MEGF6: variants seen among roughly 807,000 people sequenced by gnomAD.
MEGF6 encodes multiple epidermal growth factor-like domains protein 6.
MEGF6 carries 184 observed loss-of-function variants against 207.1 expected under a neutral mutation model. The observed-to-expected ratio is 0.89, with a 90% CI of 0.79 to 1.00. The LOEUF (loss-of-function observed/expected upper bound fraction) is 1.00, where lower values mean the gene tolerates loss of function less well. Among genes scored for constraint, MEGF6 ranks in the 50% least tolerant of loss-of-function variants. MEGF6 has a pLI of 0.00. For missense variants in MEGF6, 2,282 were observed against 2,202.9 expected (o/e 1.04, Z -0.72); for synonymous variants, 1,038 against 910.0 (o/e 1.14, Z -2.53).
intron 4 of MEGF6, among the ~76,000 whole-genome samples, chr1:3,535,544 C>G (rs955976701): frequency 6.6e-6 from 1 of 152,200 alleles, no homozygotes; most frequent in African/African-American, 2.4e-5. Flanking sequence ...GGGAGTCCCC[C>G]GCTTCTGCTC....
rs61759244 is a variant in MEGF6 at position 3,488,573 on chromosome 1, C to G, written c.*1955G>C. Among the ~76,000 whole-genome samples, 5,104 of 152,320 alleles carry G rather than the reference C, an allele frequency of 0.034. 119 individuals are homozygous for G. The highest frequency in any genetic ancestry group is 0.054 in the African/African-American group (2,229 of 41,558). On this transcript the variant is annotated 3_prime_UTR_variant, in exon 37 of 37. Transcript: ENST00000356575. ...TCAGGCTTTTCTGTAGAAAAATGGC[C>G]GAGGCCTTGAAGGCCTAAGAATAAC...
At chr1:3,570,125 C>A (rs916013478) in intron 4 of MEGF6, among the ~76,000 whole-genome samples, 7 of 152,212 alleles carry the variant, frequency 4.6e-5, no homozygotes, top group Non-Finnish European at 7.3e-5. Flanking sequence ...GAGGAGGTGG[C>A]CCAGCCTGAG....
chr1:3,500,494 G>A (rs1370904102), intron 21 of MEGF6, 139 bp downstream of exon 21: 7 of 1,275,364 alleles, frequency 5.5e-6, no homozygotes, highest in Non-Finnish European at 7.4e-6. Context: ...TGCGCGCACA[G>A]GAGGGGGCGC....
chr1:3,557,590 G>C (rs1477404670), intron 4 of MEGF6, among the ~76,000 whole-genome samples: 1 of 152,196 alleles, frequency 6.6e-6, no homozygotes, highest in African/African-American at 2.4e-5. Context: ...ATTCCCATCA[G>C]ACCCCGCCCC....
chr1:3,564,233 G>T (rs1174751738), intron 4 of MEGF6, among the ~76,000 whole-genome samples: 2 of 151,654 alleles, frequency 1.3e-5, no homozygotes, highest in Non-Finnish European at 2.9e-5. Flanking sequence ...CGGGGTGGGG[G>T]AGCTGAGTCA....
intron 3 of MEGF6, among the ~76,000 whole-genome samples, chr1:3,591,910 C>T (rs911060219): frequency 6.6e-6 from 1 of 151,942 alleles, no homozygotes. Flanking sequence ...ACCAAGGTCT[C>T]GTAGCTCACA....
intron 4 of MEGF6, among the ~76,000 whole-genome samples, chr1:3,576,598 G>A (rs1188923288): frequency 6.6e-6 from 1 of 152,070 alleles, no homozygotes; most frequent in Admixed American, 6.5e-5. Context: ...CTAGGTGGGA[G>A]CACTATGGGC....
intron 4 of MEGF6, among the ~76,000 whole-genome samples, chr1:3,525,814 T>C (rs1220392929): frequency 6.6e-6 from 1 of 152,224 alleles, no homozygotes; most frequent in African/African-American, 2.4e-5. Context: ...AGCACAGATG[T>C]GCAGATGGCT....
chr1:3,507,846 T>A lies in MEGF6; in HGVS notation c.1738A>T (p.Thr580Ser). The A allele has an allele frequency of 6.2e-7, 1 of 1,612,766 alleles. No homozygotes were observed. Among genetic ancestry groups the A allele is most frequent in the South Asian group, 1.1e-5 (1 of 91,074 alleles). Residue 580 changes from threonine to serine, a missense_variant, in exon 14 of 37, where the codon ACG becomes TCG. Physicochemically the swap from Thr to Ser is moderately conservative, Grantham distance 58 (BLOSUM62 1). Coordinates refer to ENST00000356575, the MANE Select transcript of MEGF6 (RefSeq NM_001409.4). ...CQNGGTCDSVTGACRCPPGVS... is the reference protein window; with the variant it reads ...CQNGGTCDSVSGACRCPPGVS... ...CCCGGGGGGCAGCGGCAGGCCCCCG[T>A]GACAGAGTCGCAGGTCCCACCATTC...
intron 26 of MEGF6, chr1:3,497,640 T>C (rs1252705729): frequency 1.1e-5 from 7 of 619,250 alleles, no homozygotes; most frequent in Non-Finnish European, 2.1e-5. Context: ...ACGAGACAGA[T>C]AGGGCTGAGA....
At chr1:3,549,292 C>T (rs1463401311) in intron 4 of MEGF6, among the ~76,000 whole-genome samples, 1 of 152,216 alleles carries the variant, frequency 6.6e-6, no homozygotes, top group Non-Finnish European at 1.5e-5. Context: ...GACAAGGCAG[C>T]TGGGGCTCCC....
At chr1:3,538,878 G>A (rs796865063) in intron 4 of MEGF6, among the ~76,000 whole-genome samples, 3 of 152,176 alleles carry the variant, frequency 2.0e-5, no homozygotes, top group Non-Finnish European at 2.9e-5. Flanking sequence ...CCAGCCCCAC[G>A]CCCCGGGGCC....
rs79160795 is a variant in MEGF6, at chr1:3,597,846, G to A, written c.267-2399C>T. Reference sequence around the variant, plus strand: ...CTGTTTTGAAGCCACCTGGTTTGTCGGGGCTCACTGCAGCAGTGGCAGGAA... The same window carrying A: ...CTGTTTTGAAGCCACCTGGTTTGTCAGGGCTCACTGCAGCAGTGGCAGGAA... On this transcript the variant is annotated intron_variant, in intron 2 of 36. Transcript: ENST00000356575. Among the ~76,000 whole-genome samples, 311 of 152,308 alleles carry A rather than the reference G, an allele frequency of 2.0e-3. 3 individuals carry two copies. The highest frequency in any genetic ancestry group is 6.9e-3 in the African/African-American group (287 of 41,556).
chr1:3,610,350 G>A (rs967042638), intron 1 of MEGF6, among the ~76,000 whole-genome samples: 2 of 152,160 alleles, frequency 1.3e-5, no homozygotes, highest in Admixed American at 6.5e-5. Context: ...ACAGCCTGAG[G>A]GCCCCTCTGT....
rs1229382315 is a variant in MEGF6, at chr1:3,515,532, G to A, written c.605-5C>T. The A allele has an allele frequency of 1.2e-6, 2 of 1,610,904 alleles. No individual in the cohort carries two copies. Among genetic ancestry groups the A allele is most frequent in the East Asian group, 4.5e-5 (2 of 44,818 alleles). On this transcript the variant is annotated splice_region_variant and splice_polypyrimidine_tract_variant and intron_variant, in intron 5 of 36. Transcript: ENST00000356575. ...CCAGGGCGCAGGAGTTAATGGCTGG[G>A]GACACAGGGAGGACCCCAAGTCAGC... is the stretch of plus-strand genomic sequence containing the variant.
At chr1:3,569,899 G>A (rs1192106058) in intron 4 of MEGF6, among the ~76,000 whole-genome samples, 1 of 152,232 alleles carries the variant, frequency 6.6e-6, no homozygotes, top group Non-Finnish European at 1.5e-5. Context: ...CATGGGAGAG[G>A]CCACACAACC....
At position 3,505,195 on chromosome 1, in the gene MEGF6, G is replaced by A; in HGVS notation, c.2188+13C>T. ...AATGAGACTGCCGGGAGCCCCAGGG[G>A]CCGGCCACTCACCTTGGCCACAGTC... On this transcript the variant is annotated intron_variant, in intron 17 of 36. Transcript: ENST00000356575. 6.2e-7 allele frequency: 1 copy of A among 1,610,292 alleles called. No individual in the cohort carries two copies. The highest frequency in any genetic ancestry group is 8.5e-7 in the Non-Finnish European group (1 of 1,179,442).
intron 29 of MEGF6, 48 bp from the exon 30 acceptor site, chr1:3,496,066 G>A: frequency 1.4e-6 from 2 of 1,470,026 alleles, no homozygotes. Flanking sequence ...TTCTCTCCCT[G>A]CCCGGTCAAC....
chr1:3,595,849 C>T (rs1644055739), intron 2 of MEGF6, among the ~76,000 whole-genome samples: 3 of 152,124 alleles, frequency 2.0e-5, no homozygotes, highest in African/African-American at 7.2e-5. Flanking sequence ...AGTGCCCAGC[C>T]CTGGAGCCAG....
Sources: allele counts gnomAD v4.1 joint callset (sites outside exome capture counted in the v4.1 genomes callset), GRCh38; gene constraint gnomAD v4.1.1; transcripts MANE v1.5; gene names NCBI Gene and HGNC (gene_info 2026-07-23, HGNC 2026-07-21).